Variants in VWA8 observed in about 807,000 individuals in gnomAD.
The protein encoded by VWA8 is von Willebrand factor A domain-containing protein 8.
A neutral mutation model predicts 241.5 loss-of-function variants in VWA8; 221 were observed. The ratio of observed to expected loss-of-function variants is 0.91; its 90% CI spans 0.82 to 1.02. The LOEUF is 1.02. Among genes scored for constraint, VWA8 ranks in the 50% least tolerant of loss-of-function variants. VWA8 has a pLI of 0.00. For synonymous variants in VWA8, 852 were observed against 827.1 expected (o/e 1.03, Z -0.52); for missense variants, 2,322 against 2,328.7 (o/e 1.00, Z 0.06).
intron 34 of VWA8, 64 bp downstream of exon 34, chr13:41,689,290 C>T (rs1593698270): frequency 6.6e-7 from 1 of 1,512,642 alleles, no homozygotes; most frequent in Non-Finnish European, 8.9e-7. Context: ...AACAGGCTTA[C>T]AGATTATAGG....
At position 41,643,764 on chromosome 13, in the gene VWA8, T is replaced by C. The variant is rs569847377; in HGVS notation, c.4611+27182A>G. ...AATGCTCACATCACCAACACCAGGC[T>C]CTAAAGAAGGTAGCCAAAAGAAAGC... On this transcript the variant is annotated intron_variant, in intron 37 of 44. Coordinates refer to ENST00000379310, the MANE Select transcript of VWA8 (RefSeq NM_015058.2). Among the ~76,000 whole-genome samples the C allele has an allele frequency of 4.9e-4, 74 of 152,010 alleles. 1 individual carries two copies. In the South Asian group the frequency reaches 0.015, roughly 31 times the overall value.
At chr13:41,869,347 A>G (rs1374247295) in intron 9 of VWA8, among the ~76,000 whole-genome samples, 1 of 152,100 alleles carries the variant, frequency 6.6e-6, no homozygotes, top group African/African-American at 2.4e-5. Flanking sequence ...TTAAAAGGCT[A>G]GAACCACCAG....
chr13:41,719,056 T>C (rs2045364816), intron 26 of VWA8, among the ~76,000 whole-genome samples: 1 of 152,000 alleles, frequency 6.6e-6, no homozygotes. Flanking sequence ...AGCCTATGAT[T>C]ATAAAATAAA....
intron 4 of VWA8, among the ~76,000 whole-genome samples, chr13:41,900,214 T>C (rs1307577577): frequency 6.6e-6 from 1 of 152,228 alleles, no homozygotes; most frequent in Non-Finnish European, 1.5e-5. Flanking sequence ...AGTTGGAAGA[T>C]TTTTCTATAC....
chr13:41,770,176 G>A (rs922844544), intron 20 of VWA8, among the ~76,000 whole-genome samples: 2 of 152,054 alleles, frequency 1.3e-5, no homozygotes, highest in African/African-American at 4.8e-5. Context: ...GGCCGGGCGC[G>A]GTGGCTCACG....
At chr13:41,757,558 T>C (rs995357831) in intron 21 of VWA8, among the ~76,000 whole-genome samples, 1 of 151,648 alleles carries the variant, frequency 6.6e-6, no homozygotes, top group South Asian at 2.1e-4. Flanking sequence ...GTAAACATAG[T>C]AACCAATTGT....
At chr13:41,863,455 TC>T (rs1333194530) in intron 12 of VWA8, among the ~76,000 whole-genome samples, 6,844 of 85,776 alleles carry the variant, frequency 0.08, 618 homozygotes, top group Non-Finnish European at 0.1. Context: ...ATATATATAT[TC>T]ACACACACAC....
At chr13:41,719,275 A>C (rs1294339394) in intron 26 of VWA8, 12 of 892,022 alleles carry the variant, frequency 1.3e-5, no homozygotes, top group Non-Finnish European at 1.5e-5. Context: ...TCGTACAATG[A>C]TGTGCACTGG....
intron 9 of VWA8, among the ~76,000 whole-genome samples, chr13:41,877,702 C>T (rs1263844968): frequency 6.6e-6 from 1 of 152,050 alleles, no homozygotes; most frequent in African/African-American, 2.4e-5. Context: ...ACCAATTTAA[C>T]CACTGTTATG....
At chr13:41,917,644 C>G (rs1593868229) in intron 2 of VWA8, among the ~76,000 whole-genome samples, 1 of 152,178 alleles carries the variant, frequency 6.6e-6, no homozygotes, top group East Asian at 1.9e-4. Flanking sequence ...TGCTGTGTAC[C>G]CTGGACACCA....
intron 27 of VWA8, 44 bp from the exon 28 acceptor site, chr13:41,701,574 C>T (rs989994758): frequency 6.8e-7 from 1 of 1,478,032 alleles, no homozygotes. Flanking sequence ...TTGGTTGTCA[C>T]CAAAATGTAG....
chr13:41,619,533 T>A (rs1212613642), intron 37 of VWA8, among the ~76,000 whole-genome samples: 1 of 152,220 alleles, frequency 6.6e-6, no homozygotes, highest in East Asian at 1.9e-4. Flanking sequence ...AGAGAGGGCA[T>A]CCCTGTCTTG....
At chr13:41,747,870 T>C (rs1396548247) in intron 21 of VWA8, among the ~76,000 whole-genome samples, 2 of 152,244 alleles carry the variant, frequency 1.3e-5, no homozygotes, top group African/African-American at 4.8e-5. Context: ...TGATTTTTGT[T>C]TTTGGTTCTG....
chr13:41,783,801 G>A lies in VWA8; in HGVS notation c.2271C>T (p.Asn757=). ...MKVPDVLFYD[N]IQHVIVMEDM... ...CACAAAGCAATACTCTTACCTGAAT[G>A]TTGTCATAGAAAAGAACATCAGGCA... The change falls in exon 19 of 45, where the codon AAC becomes AAT. Residue 757 remains asparagine, a synonymous_variant. Transcript: ENST00000379310. The A allele has an allele frequency of 1.2e-6, 2 of 1,611,032 alleles. No homozygotes were observed. The highest frequency in any genetic ancestry group is 1.3e-5 in the African/African-American group (1 of 74,896).
At chr13:41,738,940 A>G (rs1164014998) in intron 21 of VWA8, among the ~76,000 whole-genome samples, 1 of 152,204 alleles carries the variant, frequency 6.6e-6, no homozygotes, top group Admixed American at 6.5e-5. Flanking sequence ...AGCAGTAAAT[A>G]TGGTATATAT....
At chr13:41,631,562 T>C (rs1400249251) in intron 37 of VWA8, among the ~76,000 whole-genome samples, 1 of 152,160 alleles carries the variant, frequency 6.6e-6, no homozygotes, top group African/African-American at 2.4e-5. Context: ...CTGTCCAAAA[T>C]AAAATTATAG....
chr13:41,805,467 T>C (rs1566464340), intron 17 of VWA8, among the ~76,000 whole-genome samples: 3 of 152,130 alleles, frequency 2.0e-5, no homozygotes, highest in South Asian at 2.1e-4. Flanking sequence ...AATACAATAA[T>C]AGCTGGAGAC....
intron 12 of VWA8, among the ~76,000 whole-genome samples, chr13:41,863,977 A>G (rs1873165846): frequency 6.6e-6 from 1 of 152,156 alleles, no homozygotes; most frequent in African/African-American, 2.4e-5. Flanking sequence ...GAAAAAATAA[A>G]TAAGACAGAC....
intron 2 of VWA8, among the ~76,000 whole-genome samples, chr13:41,925,045 C>T (rs1593874398): frequency 6.6e-6 from 1 of 152,116 alleles, no homozygotes; most frequent in African/African-American, 2.4e-5. Context: ...ATAAGGGAAT[C>T]CCCATTAGAC....
Sources: allele counts gnomAD v4.1 joint callset (sites outside exome capture counted in the v4.1 genomes callset), GRCh38; gene constraint gnomAD v4.1.1; transcripts MANE v1.5; gene names NCBI Gene and HGNC (gene_info 2026-07-23, HGNC 2026-07-21).